CNTN6: variants seen among roughly 807,000 people sequenced by gnomAD.
CNTN6 encodes the protein contactin 6, also known as contactin-6.
CNTN6 carries 137 observed loss-of-function variants against 122.8 expected under a neutral mutation model. The ratio of observed to expected loss-of-function variants is 1.12; its 90% CI spans 0.97 to 1.29. The LOEUF (loss-of-function observed/expected upper bound fraction) is 1.29, where lower values mean the gene tolerates loss of function less well. Among genes scored for constraint, CNTN6 ranks in the 50% most tolerant of loss-of-function variants. CNTN6 has a pLI of 0.00. For missense variants in CNTN6, 1,634 were observed against 1,223.4 expected (o/e 1.34, Z -5.01); for synonymous variants, 570 against 426.0 (o/e 1.34, Z -4.16).
At chr3:1,347,519 A>G (rs1704920135) in intron 11 of CNTN6, among the ~76,000 whole-genome samples, 1 of 152,160 alleles carries the variant, frequency 6.6e-6, no homozygotes, top group Admixed American at 6.6e-5. Context: ...GCCAAAACCA[A>G]GGAGAGTCTG....
chr3:1,250,835 ACTG>A lies in CNTN6; in HGVS notation c.358+22846_358+22848del, dbSNP rs2094654010. On this transcript the variant is annotated intron_variant, in intron 4 of 22. Coordinates refer to ENST00000446702, the MANE Select transcript of CNTN6 (RefSeq NM_001289080.2). ...GAAGATGCTTCTCCTCTCTGGCTGA[ACTG>A]CTGATTCTTTTCTCCAATACCCCTC... is the stretch of plus-strand genomic sequence containing the variant. Among the ~76,000 whole-genome samples the A allele has an allele frequency of 2.0e-5, 3 of 152,122 alleles. No individual in the cohort carries two copies. In the South Asian group the frequency reaches 6.2e-4, roughly 32 times the overall value.
intron 7 of CNTN6, among the ~76,000 whole-genome samples, chr3:1,316,756 T>A (rs1245767458): frequency 6.6e-6 from 1 of 151,930 alleles, no homozygotes; most frequent in Non-Finnish European, 1.5e-5. Flanking sequence ...CAGAATGGTA[T>A]CTCTTGGAAA....
At chr3:1,154,332 G>T (rs17034414) in intron 2 of CNTN6, among the ~76,000 whole-genome samples, 24,667 of 152,094 alleles carry the variant, frequency 0.16, 2,968 homozygotes, top group African/African-American at 0.32. Context: ...GGTCAAGTAT[G>T]CTATGGAAGT....
chr3:1,307,711 A>G (rs1559776771), intron 7 of CNTN6, among the ~76,000 whole-genome samples: 2 of 151,976 alleles, frequency 1.3e-5, no homozygotes, highest in Admixed American at 6.6e-5. Flanking sequence ...CTTGTGTTTG[A>G]TGTCCCTGAC....
intron 1 of CNTN6, among the ~76,000 whole-genome samples, chr3:1,093,553 T>C (rs1384201099): frequency 1.3e-5 from 2 of 149,462 alleles, no homozygotes; most frequent in East Asian, 3.9e-4. Context: ...ATCAAAGGGA[T>C]GAGGGGTGGG....
At chr3:1,162,915 T>C (rs888132306) in intron 2 of CNTN6, among the ~76,000 whole-genome samples, 1 of 152,170 alleles carries the variant, frequency 6.6e-6, no homozygotes, top group African/African-American at 2.4e-5. Flanking sequence ...AAATGAGAAA[T>C]GTGGGAACAG....
chr3:1,117,080 G>T (rs1019594111), intron 1 of CNTN6, among the ~76,000 whole-genome samples: 1 of 152,180 alleles, frequency 6.6e-6, no homozygotes, highest in African/African-American at 2.4e-5. Context: ...GGAGGTAAAT[G>T]CCAGGGAGAA....
chr3:1,218,422 G>C (rs2094158269), intron 2 of CNTN6, among the ~76,000 whole-genome samples: 1 of 152,070 alleles, frequency 6.6e-6, no homozygotes, highest in African/African-American at 2.4e-5. Flanking sequence ...GGGTGAAGGA[G>C]GACATCCACA....
At chr3:1,114,721 A>G (rs536235283) in intron 1 of CNTN6, among the ~76,000 whole-genome samples, 1 of 152,230 alleles carries the variant, frequency 6.6e-6, no homozygotes, top group Admixed American at 6.5e-5. Flanking sequence ...GTCTCAAGAC[A>G]TTGAGCAAAG....
intron 12 of CNTN6, among the ~76,000 whole-genome samples, chr3:1,358,277 G>A (rs750390156): frequency 1.3e-5 from 2 of 151,776 alleles, no homozygotes; most frequent in African/African-American, 4.8e-5. Context: ...TTGATCTTTA[G>A]TTTCCTGCCC....
Position 1,295,001 on chromosome 3 carries a change from C to T in CNTN6, c.455-600C>T, listed in dbSNP as rs1476412397. Among the ~76,000 whole-genome samples the T allele has an allele frequency of 4.6e-5, 7 of 152,234 alleles. No individual in the cohort carries two copies. In the South Asian group the frequency reaches 1.5e-3, roughly 32 times the overall value. ...AGTGCAGTGGCTCATGCCTGTAATC[C>T]TAGCACTTTGGGAGGCTAAGGCAGG... On this transcript the variant is annotated intron_variant, in intron 5 of 22. Transcript: ENST00000446702.
chr3:1,340,107 C>T (rs959642745), intron 11 of CNTN6, among the ~76,000 whole-genome samples: 2 of 152,044 alleles, frequency 1.3e-5, no homozygotes, highest in Non-Finnish European at 2.9e-5. Flanking sequence ...TAGAGAAGTT[C>T]AGCATCATAC....
rs976630835 is a variant in CNTN6 at position 1,142,984 on chromosome 3, A to G, written c.-82-4943A>G. On this transcript the variant is annotated intron_variant, in intron 1 of 22. Transcript: ENST00000446702. The stretch of plus-strand genomic sequence containing the variant: ...TGTGTGTGTGTATATATATATATAT[A>G]TATATATATATATATATATGTATAT... Among the ~76,000 whole-genome samples the G allele has an allele frequency of 6.2e-3, 887 of 143,092 alleles. 23 individuals are homozygous for G. Among genetic ancestry groups the G allele is most frequent in the African/African-American group, 5.3e-3 (207 of 38,866 alleles). 93.9% of individuals were successfully genotyped at this position (143,092 alleles called of 152,430 possible). A position where few individuals can be genotyped will look rare whatever the true frequency, so the allele number is the denominator to read the frequency against.
At chr3:1,173,237 T>G (rs970185620) in intron 2 of CNTN6, 3 of 456,590 alleles carry the variant, frequency 6.6e-6, no homozygotes, top group African/African-American at 6.0e-5. Context: ...TGCTGCTAAC[T>G]GGACTTCGTC....
At chr3:1,315,953 T>A (rs1445145720) in intron 7 of CNTN6, among the ~76,000 whole-genome samples, 1 of 152,008 alleles carries the variant, frequency 6.6e-6, no homozygotes, top group Non-Finnish European at 1.5e-5. Context: ...TTGTATCAAA[T>A]GCGTAGTCAT....
intron 20 of CNTN6, among the ~76,000 whole-genome samples, chr3:1,390,384 C>G (rs1257426870): frequency 6.6e-6 from 1 of 151,284 alleles, no homozygotes; most frequent in Non-Finnish European, 1.5e-5. Flanking sequence ...CACAACATAC[C>G]AGAATCTCTG....
chr3:1,314,087 C>T (rs1699772362), intron 7 of CNTN6, among the ~76,000 whole-genome samples: 1 of 152,058 alleles, frequency 6.6e-6, no homozygotes, highest in Non-Finnish European at 1.5e-5. Context: ...AGAATCATGA[C>T]TCCATTTACA....
intron 4 of CNTN6, among the ~76,000 whole-genome samples, chr3:1,249,136 T>C (rs2094622961): frequency 6.6e-6 from 1 of 152,138 alleles, no homozygotes; most frequent in South Asian, 2.1e-4. Flanking sequence ...TAGGTTAATG[T>C]CTAAAGACAA....
At chr3:1,398,453 G>A (rs2126253332) in intron 20 of CNTN6, among the ~76,000 whole-genome samples, 1 of 152,202 alleles carries the variant, frequency 6.6e-6, no homozygotes, top group South Asian at 2.1e-4. Context: ...CCAAGTAAGA[G>A]CAATATTATT....
Sources: gnomAD v4.1 joint callset for allele counts (sites outside exome capture counted in the v4.1 genomes callset) on GRCh38, gnomAD v4.1.1 for gene constraint, MANE v1.5 for transcripts, NCBI Gene and HGNC (gene_info 2026-07-23, HGNC 2026-07-21) for gene names.